Variants in EPHA6 observed in about 807,000 individuals in gnomAD.
The protein encoded by EPHA6 is EPH receptor A6, also known as ephrin type-A receptor 6.
A neutral mutation model predicts 112.0 loss-of-function variants in EPHA6; 50 were observed. The observed-to-expected ratio is 0.45, with a 90% confidence interval of 0.36 to 0.56. The LOEUF (loss-of-function observed/expected upper bound fraction) is 0.56. EPHA6 is among the 20% of genes least tolerant of loss of function. EPHA6 has a pLI of 0.00. For synonymous variants in EPHA6, 529 were observed against 490.7 expected (o/e 1.08, Z -1.03); for missense variants, 1,280 against 1,417.4 (o/e 0.90, Z 1.56).
At chr3:97,373,533 C>T (rs2085184169) in intron 5 of EPHA6, among the ~76,000 whole-genome samples, 1 of 152,080 alleles carries the variant, frequency 6.6e-6, no homozygotes, top group Non-Finnish European at 1.5e-5. Context: ...TATTATTCCA[C>T]AGTCATTTAC....
intron 3 of EPHA6, among the ~76,000 whole-genome samples, chr3:97,106,633 C>G (rs11718468): frequency 4.6e-5 from 7 of 152,078 alleles, no homozygotes; most frequent in Non-Finnish European, 8.8e-5. Flanking sequence ...TGAGAAACCC[C>G]AGGATACAGA....
chr3:97,736,051 G>T lies in EPHA6; in HGVS notation c.3061G>T (p.Val1021Phe). Residue 1021 changes from valine (V) to phenylalanine (F), a missense_variant, in exon 16 of 18, where the codon GTC becomes TTC. This residue lies in a region of EPHA6 where 145 missense variants were observed against 153.3 expected (regional missense o/e 0.95). Coordinates refer to ENST00000389672, the MANE Select transcript of EPHA6 (RefSeq NM_001080448.3). ...RNHRPKFTDIVSFLDKLIRNP... is the reference protein window; with the variant it reads ...RNHRPKFTDIFSFLDKLIRNP... ...TCACAGACCAAAATTTACTGACATTGTCAGCTTCCTTGACAAACTGATCCG... is the reference window on the plus strand; with the variant it reads ...TCACAGACCAAAATTTACTGACATTTTCAGCTTCCTTGACAAACTGATCCG... The T allele has an allele frequency of 6.2e-7, 1 of 1,612,578 alleles. No individual in the cohort carries two copies. The highest frequency in any genetic ancestry group is 8.5e-7 in the Non-Finnish European group (1 of 1,179,154).
At chr3:97,300,624 C>T (rs937277583) in intron 5 of EPHA6, among the ~76,000 whole-genome samples, 8 of 152,064 alleles carry the variant, frequency 5.3e-5, no homozygotes, top group Non-Finnish European at 1.0e-4. Flanking sequence ...TTTTGCAGTT[C>T]TAAATACCAG....
chr3:97,187,781 C>T (rs908917645), intron 3 of EPHA6, among the ~76,000 whole-genome samples: 2 of 151,894 alleles, frequency 1.3e-5, no homozygotes, highest in Admixed American at 1.3e-4. Context: ...TATACAATTT[C>T]TGTCCTCATT....
At chr3:97,336,358 T>G (rs1306351420) in intron 5 of EPHA6, among the ~76,000 whole-genome samples, 1 of 152,140 alleles carries the variant, frequency 6.6e-6, no homozygotes, top group East Asian at 1.9e-4. Flanking sequence ...CTGTAATAAT[T>G]TTATCAGTTA....
chr3:97,121,836 T>C (rs1383623457), intron 3 of EPHA6, among the ~76,000 whole-genome samples: 1 of 152,064 alleles, frequency 6.6e-6, no homozygotes, highest in Non-Finnish European at 1.5e-5. Flanking sequence ...CTAAAAACAA[T>C]GCTGGACAGA....
At chr3:97,651,412 T>C (rs1177882987) in intron 14 of EPHA6, among the ~76,000 whole-genome samples, 1 of 151,992 alleles carries the variant, frequency 6.6e-6, no homozygotes, top group Non-Finnish European at 1.5e-5. Context: ...AAAAGCATAT[T>C]GAACACAAAA....
chr3:96,861,950 A>G (rs2036032572), intron 1 of EPHA6, among the ~76,000 whole-genome samples: 1 of 151,902 alleles, frequency 6.6e-6, no homozygotes, highest in South Asian at 2.1e-4. Context: ...TTTTTTCAGA[A>G]TTAAATATGG....
chr3:97,659,793 A>T (rs1006481832), intron 14 of EPHA6, among the ~76,000 whole-genome samples: 4 of 152,030 alleles, frequency 2.6e-5, no homozygotes, highest in African/African-American at 9.7e-5. Flanking sequence ...GAATAAAATG[A>T]TTATAAATTA....
At chr3:96,919,138 C>G (rs1001225521) in intron 2 of EPHA6, among the ~76,000 whole-genome samples, 1 of 151,850 alleles carries the variant, frequency 6.6e-6, no homozygotes, top group Admixed American at 6.6e-5. Flanking sequence ...GGAACGTAGC[C>G]GCTTTTAATA....
At chr3:96,958,324 G>A (rs1383528704) in intron 2 of EPHA6, among the ~76,000 whole-genome samples, 1 of 151,614 alleles carries the variant, frequency 6.6e-6, no homozygotes, top group African/African-American at 2.4e-5. Context: ...TTGACTTTCA[G>A]TTCTGCCATT....
intron 11 of EPHA6, among the ~76,000 whole-genome samples, chr3:97,551,657 T>C (rs1432363180): frequency 6.6e-6 from 1 of 152,196 alleles, no homozygotes; most frequent in African/African-American, 2.4e-5. Context: ...TACAACGAGC[T>C]ATAGCACCTC....
chr3:97,654,364 T>C (rs1057121894), intron 14 of EPHA6, among the ~76,000 whole-genome samples: 5 of 151,980 alleles, frequency 3.3e-5, no homozygotes, highest in African/African-American at 1.2e-4. Context: ...AACAAATCTG[T>C]GAGTACCTAC....
intron 5 of EPHA6, among the ~76,000 whole-genome samples, chr3:97,285,268 G>C (rs1312212565): frequency 1.3e-5 from 2 of 152,064 alleles, no homozygotes; most frequent in African/African-American, 4.8e-5. Flanking sequence ...ATGGTTTTTG[G>C]TCATGATTCA....
intron 3 of EPHA6, among the ~76,000 whole-genome samples, chr3:97,137,753 G>T (rs2075800529): frequency 6.6e-6 from 1 of 152,132 alleles, no homozygotes; most frequent in Admixed American, 6.5e-5. Context: ...TCCTTTATCT[G>T]TGTCTTCATT....
chr3:97,629,101 T>A (rs1170059162), intron 13 of EPHA6, among the ~76,000 whole-genome samples: 1 of 151,924 alleles, frequency 6.6e-6, no homozygotes, highest in African/African-American at 2.4e-5. Context: ...AGCTAATTTT[T>A]TATTTTTGTA....
chr3:97,025,319 G>T (rs1046459099), intron 3 of EPHA6, among the ~76,000 whole-genome samples: 1 of 152,130 alleles, frequency 6.6e-6, no homozygotes, highest in Non-Finnish European at 1.5e-5. Flanking sequence ...GAGAGAGAAT[G>T]AGTAAATAGG....
intron 2 of EPHA6, among the ~76,000 whole-genome samples, chr3:96,904,202 C>T (rs1245100212): frequency 2.0e-5 from 3 of 151,982 alleles, no homozygotes; most frequent in Admixed American, 2.0e-4. Flanking sequence ...GACTTGGAAC[C>T]AACCCAAATG....
chr3:96,839,644 G>A (rs1559762880), intron 1 of EPHA6, among the ~76,000 whole-genome samples: 1 of 151,932 alleles, frequency 6.6e-6, no homozygotes, highest in African/African-American at 2.4e-5. Flanking sequence ...GCTTACCCTG[G>A]AAATGAGGAA....
Sources: gnomAD v4.1 joint callset for allele counts (sites outside exome capture counted in the v4.1 genomes callset) on GRCh38, gnomAD v4.1.1 for gene constraint, gnomAD v4.1.1 regional missense constraint, MANE v1.5 for transcripts, NCBI Gene and HGNC (gene_info 2026-07-23, HGNC 2026-07-21) for gene names.